KALRN: variants seen among roughly 807,000 people sequenced by gnomAD.
KALRN encodes the protein kalirin RhoGEF kinase.
Under a neutral mutation model 353.7 loss-of-function variants are expected in KALRN, and 70 were observed. The ratio of observed to expected loss-of-function variants is 0.20; its 90% CI spans 0.16 to 0.24. KALRN has a LOEUF of 0.24. Ranked by LOEUF, KALRN falls within the 10% of genes least tolerant of loss-of-function variation. The probability of loss-of-function intolerance (pLI) is 1.00; values close to 1 mark genes in which losing one functional copy is unlikely to be tolerated. For synonymous variants in KALRN, 1,391 were observed against 1,434.8 expected (o/e 0.97, Z 0.69); for missense variants, 2,791 against 3,756.7 (o/e 0.74, Z 6.72).
chr3:124,062,679 G>T (rs972992768), intron 1 of KALRN, among the ~76,000 whole-genome samples: 1 of 152,132 alleles, frequency 6.6e-6, no homozygotes, highest in Non-Finnish European at 1.5e-5. Context: ...TTAAAGTCAC[G>T]TGCTTCCTTG....
chr3:124,270,503 ATAGTAAAAAAATTAG>A (rs1368080570), intron 5 of KALRN, among the ~76,000 whole-genome samples: 2 of 152,184 alleles, frequency 1.3e-5, no homozygotes, highest in Admixed American at 6.5e-5. Context: ...TTTATAACAT[ATAGTAAAAAAATTAG>A]TATATGCAGT....
intron 33 of KALRN, among the ~76,000 whole-genome samples, chr3:124,508,637 T>A (rs1367131312): frequency 6.6e-6 from 1 of 152,218 alleles, no homozygotes; most frequent in East Asian, 1.9e-4. Context: ...CCCCTGTGCA[T>A]GTGTACTTGA....
At chr3:124,042,302 C>T (rs966612049) in intron 1 of KALRN, among the ~76,000 whole-genome samples, 6 of 152,172 alleles carry the variant, frequency 3.9e-5, no homozygotes, top group African/African-American at 7.2e-5. Context: ...TTACTAGGCT[C>T]CTACATCATG....
chr3:124,046,497 T>C (rs2040486523), intron 1 of KALRN, among the ~76,000 whole-genome samples: 1 of 152,158 alleles, frequency 6.6e-6, no homozygotes, highest in African/African-American at 2.4e-5. Context: ...AGAGAGGAGA[T>C]GGATTGGATC....
intron 1 of KALRN, among the ~76,000 whole-genome samples, chr3:124,077,499 A>G (rs1480425036): frequency 6.6e-6 from 1 of 152,090 alleles, no homozygotes; most frequent in Admixed American, 6.6e-5. Flanking sequence ...TGGCATGCAC[A>G]TATGCAGGGC....
chr3:124,469,996 A>C (rs1263245670), intron 25 of KALRN, among the ~76,000 whole-genome samples: 1 of 152,238 alleles, frequency 6.6e-6, no homozygotes, highest in African/African-American at 2.4e-5. Context: ...GACAAAACTC[A>C]GAAAGCTTTC....
chr3:124,384,927 A>G lies in KALRN; in HGVS notation c.1853A>G (p.Tyr618Cys), dbSNP rs2087975349. The change falls in exon 11 of 60, where the codon TAC (tyrosine) becomes TGC (cysteine). Residue 618 changes from tyrosine (Y) to cysteine (C), a missense_variant. This residue lies in a region of KALRN where 452 missense variants were observed against 575.8 expected (regional missense o/e 0.78). Coordinates refer to ENST00000682506, the MANE Select transcript of KALRN (RefSeq NM_001388419.1). ...GGGGAATGTGACCCCGAGGAGATCT[A>G]CAAGGCAGCTCGACACCTGGAGGTG... is the stretch of plus-strand genomic sequence containing the variant. ...QTGECDPEEIYKAARHLEVRI... is the reference protein window; with the variant it reads ...QTGECDPEEICKAARHLEVRI... 2 of 1,614,010 alleles carry G rather than the reference A, an allele frequency of 1.2e-6. No homozygotes were observed. The highest frequency in any genetic ancestry group is 1.3e-5 in the African/African-American group (1 of 74,950).
chr3:124,363,591 A>T (rs140208499), intron 10 of KALRN, among the ~76,000 whole-genome samples: 1 of 152,214 alleles, frequency 6.6e-6, no homozygotes, highest in Non-Finnish European at 1.5e-5. Flanking sequence ...AGTGGATGAG[A>T]TCATGTCTGG....
chr3:124,437,209 C>T (rs2093498184), intron 17 of KALRN, among the ~76,000 whole-genome samples: 1 of 151,940 alleles, frequency 6.6e-6, no homozygotes, highest in Non-Finnish European at 1.5e-5. Context: ...AGAGAAGTCA[C>T]CTCAAGATTG....
chr3:124,499,315 C>T (rs1029941167), intron 33 of KALRN, among the ~76,000 whole-genome samples: 27 of 152,164 alleles, frequency 1.8e-4, no homozygotes, highest in African/African-American at 6.5e-4. Context: ...CACTCTGTGT[C>T]ACATTGCATA....
chr3:124,571,847 C>T (rs1273302967), intron 34 of KALRN, among the ~76,000 whole-genome samples: 2 of 151,452 alleles, frequency 1.3e-5, no homozygotes, highest in South Asian at 2.1e-4. Context: ...AGGCTGGTCT[C>T]GAACTCCTGA....
In KALRN at chr3:124,456,638, T is replaced by A; in HGVS notation, c.3764T>A (p.Ile1255Asn). The change falls in exon 23 of 60, where the codon ATC (isoleucine) becomes AAC (asparagine). Residue 1255 changes from isoleucine to asparagine, a missense_variant. By Grantham distance (149) the Ile-to-Asn change is moderately radical. Coordinates refer to ENST00000682506, the MANE Select transcript of KALRN (RefSeq NM_001388419.1). ...AATAAGGACCTGGAGCTGGATATTA[T>A]CCCAGCAAGCCTTTCGGATCGGGAG... ...EDNKDLELDIIPASLSDREVK... is the reference protein window; with the variant it reads ...EDNKDLELDINPASLSDREVK... 1 of 1,612,796 alleles carries A rather than the reference T, an allele frequency of 6.2e-7. No homozygotes were observed. Among genetic ancestry groups the A allele is most frequent in the Non-Finnish European group, 8.5e-7 (1 of 1,179,138 alleles).
chr3:124,511,296 C>T (rs1354974617), intron 33 of KALRN, among the ~76,000 whole-genome samples: 1 of 152,188 alleles, frequency 6.6e-6, no homozygotes, highest in East Asian at 1.9e-4. Flanking sequence ...ACCGTATTTC[C>T]AACTGTCTAT....
chr3:124,478,864 T>C (rs2061678649), intron 27 of KALRN, among the ~76,000 whole-genome samples: 2 of 152,156 alleles, frequency 1.3e-5, no homozygotes, highest in Non-Finnish European at 2.9e-5. Flanking sequence ...CTCACACCGC[T>C]CTCTCTGCCT....
chr3:124,224,422 T>C (rs941855991), intron 1 of KALRN, among the ~76,000 whole-genome samples: 4 of 151,926 alleles, frequency 2.6e-5, no homozygotes, highest in African/African-American at 9.7e-5. Flanking sequence ...TTTAAGAAAG[T>C]TTACAAGTTT....
intron 34 of KALRN, among the ~76,000 whole-genome samples, chr3:124,616,276 C>T (rs1472490172): frequency 6.6e-6 from 1 of 152,178 alleles, no homozygotes; most frequent in Non-Finnish European, 1.5e-5. Context: ...AAGCCTGTTG[C>T]AGTTACCTTT....
chr3:124,488,357 T>C (rs757691899), intron 29 of KALRN, 42 bp downstream of exon 29: 1 of 1,272,744 alleles, frequency 7.9e-7, no homozygotes, highest in East Asian at 2.3e-5. Context: ...CTCTCTTCCT[T>C]GACACGGGGG....
At chr3:124,475,840 A>C (rs1239797216) in intron 26 of KALRN, among the ~76,000 whole-genome samples, 1 of 152,182 alleles carries the variant, frequency 6.6e-6, no homozygotes, top group Non-Finnish European at 1.5e-5. Flanking sequence ...CTTAGCTACC[A>C]TCTTATTTTG....
chr3:124,111,605 A>G (rs2062980427), intron 1 of KALRN, among the ~76,000 whole-genome samples: 2 of 152,200 alleles, frequency 1.3e-5, no homozygotes, highest in Admixed American at 1.3e-4. Flanking sequence ...AAAGATTAAG[A>G]AGCATAGTCA....
Sources: allele counts gnomAD v4.1 joint callset (sites outside exome capture counted in the v4.1 genomes callset), GRCh38; gene constraint gnomAD v4.1.1; regional missense constraint gnomAD v4.1.1; transcripts MANE v1.5; gene names NCBI Gene and HGNC (gene_info 2026-07-23, HGNC 2026-07-21).